The following GANAB variants were observed in gnomAD, a reference collection of about 807,000 sequenced individuals.
The protein encoded by GANAB is neutral alpha-glucosidase AB.
A neutral mutation model predicts 129.9 loss-of-function variants in GANAB; 35 were observed. The observed-to-expected ratio is 0.27, with a 90% CI of 0.21 to 0.36. The LOEUF is 0.36. Ranked by LOEUF, GANAB falls within the 10% of genes least tolerant of loss-of-function variation. The pLI, the probability that GANAB is intolerant of heterozygous loss-of-function variation, is 1.00. For missense variants in GANAB, 939 were observed against 1,221.0 expected (o/e 0.77, Z 3.44); for synonymous variants, 482 against 451.8 (o/e 1.07, Z -0.85).
At position 62,631,142 on chromosome 11, in the gene GANAB, C is replaced by T. The variant is rs1169712022; in HGVS notation, c.1038G>A (p.Gly346=). The change falls in exon 10 of 24, where the codon GGG becomes GGA. Residue 346 remains glycine (G), a synonymous_variant. Coordinates refer to ENST00000356638, the MANE Select transcript of GANAB (RefSeq NM_198334.3). The part of the protein sequence containing the change: ...GKMMDYLQGS[G]ETPQTDVRWM... ...AGCGAACATCTGTCTGTGGGGTCTC[C>T]CCAGAGCCCTGCAGGTAGTCCATCA... 3 of 1,605,612 alleles carry T rather than the reference C, an allele frequency of 1.9e-6. No individual in the cohort carries two copies. The African/African-American group carries it at 4.0e-5, about 21-fold the overall frequency.
chr11:62,628,683 G>C, intron 17 of GANAB, 86 bp downstream of exon 17: 3 of 1,394,764 alleles, frequency 2.2e-6, no homozygotes, highest in Non-Finnish European at 3.0e-6. Flanking sequence ...TGTAGTGAGT[G>C]AAGAAAGAGA....
chr11:62,639,524 AGTCT>A (rs1219407743), intron 2 of GANAB, 57 bp from the exon 3 acceptor site: 5 of 1,466,200 alleles, frequency 3.4e-6, no homozygotes, highest in South Asian at 1.1e-5. Flanking sequence ...TCCCTAAGTC[AGTCT>A]ATCACCTGCA....
intron 4 of GANAB, among the ~76,000 whole-genome samples, chr11:62,638,552 T>C (rs187278815): frequency 1.2e-4 from 18 of 151,306 alleles, no homozygotes; most frequent in Non-Finnish European, 2.1e-4. Context: ...TGAGTAATCC[T>C]ATTCTGAATA....
In GANAB at chr11:62,646,555, T is replaced by G. The variant is rs767805524; in HGVS notation, c.38+7A>C. 27 of 1,612,814 alleles carry G rather than the reference T, an allele frequency of 1.7e-5. No individual in the cohort carries two copies. In the East Asian group the frequency reaches 5.4e-4, roughly 32 times the overall value. ...CCGGGCGCGCCCCCAGATTCCGGGCTCCTCACCGCCTCCTACGCGCCGCCA... is the reference window on the plus strand; with the variant it reads ...CCGGGCGCGCCCCCAGATTCCGGGCGCCTCACCGCCTCCTACGCGCCGCCA... On this transcript the variant is annotated splice_region_variant and intron_variant, in intron 1 of 23. Transcript: ENST00000356638.
At position 62,639,035 on chromosome 11, in the gene GANAB, G is replaced by T; in HGVS notation, c.328C>A (p.Arg110=). ...RFRIDELEPR[R]PRYRVPDVLV... ...ACATCTGGTACACGGTATCGGGGTCGCCGAGGCTCCAGCTCATCAATCCTG... is the reference window on the plus strand; with the variant it reads ...ACATCTGGTACACGGTATCGGGGTCTCCGAGGCTCCAGCTCATCAATCCTG... Residue 110 remains arginine (R), a synonymous_variant, in exon 4 of 24, where the codon CGA becomes AGA. Transcript: ENST00000356638. The T allele has an allele frequency of 6.2e-7, 1 of 1,613,806 alleles. No individual in the cohort carries two copies. Among genetic ancestry groups the T allele is most frequent in the East Asian group, 2.2e-5 (1 of 44,864 alleles).
chr11:62,626,781 G>A (rs1943402897), intron 20 of GANAB, 79 bp downstream of exon 20: 10 of 1,321,700 alleles, frequency 7.6e-6, no homozygotes, highest in East Asian at 2.4e-5. Context: ...CATAGGTACT[G>A]GACCCTAAGG....
At position 62,625,890 on chromosome 11, in the gene GANAB, G is replaced by A; in HGVS notation, c.2760C>T (p.Asp920=). The A allele has an allele frequency of 6.2e-7, 1 of 1,613,762 alleles. No homozygotes were observed. The change falls in exon 24 of 24, where the codon GAC becomes GAT. Residue 920 remains aspartate, a synonymous_variant. Transcript: ENST00000356638. ...SPESRLSFQH[D]PETSVLVLRK... ...GCAGGACCAACACAGAGGTCTCAGGGTCATGCTGGAAGGACAGGCGGCTTT... is the reference window on the plus strand; with the variant it reads ...GCAGGACCAACACAGAGGTCTCAGGATCATGCTGGAAGGACAGGCGGCTTT...
In GANAB at chr11:62,646,613, T is replaced by C. The variant is rs369628293; in HGVS notation, c.-14A>G. 5.4e-5 allele frequency: 87 copies of C among 1,613,872 alleles called. No homozygotes were observed. Among genetic ancestry groups the C allele is most frequent in the Non-Finnish European group, 6.9e-5 (81 of 1,179,980 alleles). ...TACCGCCGCCATCTTGTGCAGAGTT[T>C]GCTCCTTGACCCCAAACCTCCCGCC... is the stretch of plus-strand genomic sequence containing the variant. On this transcript the variant is annotated 5_prime_UTR_variant, in exon 1 of 24. Coordinates refer to ENST00000356638, the MANE Select transcript of GANAB (RefSeq NM_198334.3).
chr11:62,631,034 G>C lies in GANAB; in HGVS notation c.1146C>G (p.Leu382=). Residue 382 remains leucine (L), a synonymous_variant, in exon 10 of 24, where the codon CTC becomes CTG. Coordinates refer to ENST00000356638, the MANE Select transcript of GANAB (RefSeq NM_198334.3). The part of the protein sequence containing the change: ...ISDVFRQYAS[L]TGTQALPPLF... ...GAGGCAGGGAAAACCATGTACCTGTGAGACTAGCATATTGCCGGAAAACAT... is the reference window on the plus strand; with the variant it reads ...GAGGCAGGGAAAACCATGTACCTGTCAGACTAGCATATTGCCGGAAAACAT... 1 of 1,597,694 alleles carries C rather than the reference G, an allele frequency of 6.3e-7. No individual in the cohort carries two copies. Among genetic ancestry groups the C allele is most frequent in the Non-Finnish European group, 8.6e-7 (1 of 1,166,284 alleles).
chr11:62,629,556 C>CT (rs1490700233), intron 15 of GANAB, 32 bp downstream of exon 15: 1 of 1,451,374 alleles, frequency 6.9e-7, no homozygotes, highest in Admixed American at 1.9e-5. Flanking sequence ...CCTTCACACC[C>CT]TTCTGCCACA....
At chr11:62,633,363 T>C in intron 6 of GANAB, 82 bp downstream of exon 6, 1 of 1,542,824 alleles carries the variant, frequency 6.5e-7, no homozygotes, top group Non-Finnish European at 9.0e-7. Context: ...ATGGGGAGAC[T>C]AAGTTCAAGT....
rs993352744 is a variant in GANAB, at chr11:62,625,267, A to G, written c.*548T>C. On this transcript the variant is annotated 3_prime_UTR_variant, in exon 24 of 24. Coordinates refer to ENST00000356638, the MANE Select transcript of GANAB (RefSeq NM_198334.3). Reference sequence around the variant, plus strand: ...GAAAAGGATGTTCTTTAGCAACCTCACTCCTTTGATCCATTCATCCTGTCC... The same window carrying G: ...GAAAAGGATGTTCTTTAGCAACCTCGCTCCTTTGATCCATTCATCCTGTCC... The G allele has an allele frequency of 6.6e-6, 3 of 455,788 alleles. No individual in the cohort carries two copies. The highest frequency in any genetic ancestry group is 6.0e-5 in the African/African-American group (3 of 49,964). The allele number at this position is 455,788 out of a possible 1,614,324, so 28.2% of individuals were successfully genotyped here. A position where few individuals can be genotyped will look rare whatever the true frequency, so the allele number is the denominator to read the frequency against.
At chr11:62,626,287 G>C in intron 22 of GANAB, 48 bp downstream of exon 22, 1 of 1,397,836 alleles carries the variant, frequency 7.2e-7, no homozygotes, top group Non-Finnish European at 1.0e-6. Flanking sequence ...CCCCCACAAG[G>C]ATCAGGCCCC....
chr11:62,631,491 T>G (rs1943678558), intron 9 of GANAB, among the ~76,000 whole-genome samples: 1 of 149,258 alleles, frequency 6.7e-6, no homozygotes, highest in African/African-American at 2.5e-5. Context: ...TTAGACAGAG[T>G]CTCACTCTTT....
Position 62,626,162 on chromosome 11 carries a change from T to C in GANAB, c.2628A>G (p.Ser876=), listed in dbSNP as rs1943363663. 1 of 1,608,338 alleles carries C rather than the reference T, an allele frequency of 6.2e-7. No homozygotes were observed. The change falls in exon 23 of 24, where the codon TCA becomes TCG. Residue 876 remains serine, a synonymous_variant. Coordinates refer to ENST00000356638, the MANE Select transcript of GANAB (RefSeq NM_198334.3). ...TCTCAAAGTGTCCTTCAGGGTCTGC[T>C]GAGCTGGAGATGGTAAAAGCAGATG... ...SFSGNTLVSS[S]ADPEGHFETP...
intron 20 of GANAB, 47 bp downstream of exon 20, chr11:62,626,813 G>C (rs1001353340): frequency 2.7e-6 from 4 of 1,460,566 alleles, no homozygotes; most frequent in Non-Finnish European, 3.8e-6. Context: ...TCCCCTTCTG[G>C]AAATTTACAG....
chr11:62,639,843 G>C, intron 1 of GANAB, 112 bp from the exon 2 acceptor site: 1 of 702,334 alleles, frequency 1.4e-6, no homozygotes, highest in Non-Finnish European at 2.6e-6. Context: ...GAGGAAAGAG[G>C]GGAGAAAGAT....
Position 62,629,205 on chromosome 11 carries a change from G to T in GANAB, c.1925C>A (p.Ser642Tyr). The change falls in exon 16 of 24, where the codon TCC becomes TAC. Residue 642 changes from serine to tyrosine, a missense_variant. Ser to Tyr is a moderately radical substitution (Grantham distance 144). Coordinates refer to ENST00000356638, the MANE Select transcript of GANAB (RefSeq NM_198334.3). ...MCLSLGLVGL[S>Y]FCGADVGGFF... ...CCTCCCTGTCTTACCCCCACAGAAG[G>T]AAAGTCCCACCAGCCCCAAGCTGAG... 2 of 1,611,370 alleles carry T rather than the reference G, an allele frequency of 1.2e-6. No homozygotes were observed. Among genetic ancestry groups the T allele is most frequent in the Non-Finnish European group, 1.7e-6 (2 of 1,177,680 alleles).
chr11:62,629,511 G>A, intron 15 of GANAB, 77 bp downstream of exon 15: 1 of 973,990 alleles, frequency 1.0e-6, no homozygotes, highest in Non-Finnish European at 1.6e-6. Context: ...ATTCCTCAGA[G>A]AGGCAGGTCC....
Sources: gnomAD v4.1 joint callset for allele counts (sites outside exome capture counted in the v4.1 genomes callset) on GRCh38, gnomAD v4.1.1 for gene constraint, MANE v1.5 for transcripts, NCBI Gene and HGNC (gene_info 2026-07-23, HGNC 2026-07-21) for gene names.